The following DDX1 variants were observed in gnomAD, a reference collection of about 807,000 sequenced individuals.
The protein encoded by DDX1 is DEAD-box helicase 1.
A neutral mutation model predicts 108.7 loss-of-function variants in DDX1; 28 were observed. That is an observed-to-expected ratio of 0.26 (90% CI 0.19 to 0.35). The LOEUF is 0.35. DDX1 is among the 10% of genes least tolerant of loss of function. DDX1 has a pLI of 1.00. For synonymous variants in DDX1, 295 were observed against 288.9 expected, an observed-to-expected ratio of 1.02 and a Z score of -0.21; for missense variants, 710 against 884.5, an observed-to-expected ratio of 0.80 and a Z score of 2.50.
intron 18 of DDX1, among the ~76,000 whole-genome samples, chr2:15,621,636 G>C (rs1666009319): frequency 6.6e-6 from 1 of 151,564 alleles, no homozygotes. Flanking sequence ...TTAGTCTCCT[G>C]GCATCTAAAT....
At chr2:15,606,716 C>T (rs891357365) in intron 12 of DDX1, among the ~76,000 whole-genome samples, 1 of 152,214 alleles carries the variant, frequency 6.6e-6, no homozygotes, top group African/African-American at 2.4e-5. Flanking sequence ...TACTCTTATC[C>T]ATTGTATATC....
At chr2:15,624,573 A>C (rs1212392895) in intron 19 of DDX1, among the ~76,000 whole-genome samples, 2 of 152,234 alleles carry the variant, frequency 1.3e-5, no homozygotes, top group Non-Finnish European at 2.9e-5. Flanking sequence ...GGACTCCGTC[A>C]CTATCACGAG....
intron 1 of DDX1, among the ~76,000 whole-genome samples, chr2:15,593,937 G>T (rs549783811): frequency 6.6e-6 from 1 of 152,070 alleles, no homozygotes; most frequent in South Asian, 2.1e-4. Context: ...AAATTAGCGG[G>T]CGTGGTGGCA....
At chr2:15,603,743 T>C in intron 8 of DDX1, 71 bp from the exon 9 acceptor site, 2 of 1,016,072 alleles carry the variant, frequency 2.0e-6, no homozygotes, top group Non-Finnish European at 2.9e-6. Flanking sequence ...GTGAATAAAA[T>C]TACTTCTTTT....
intron 2 of DDX1, 31 bp downstream of exon 2, chr2:15,595,227 A>G: frequency 1.3e-6 from 2 of 1,531,166 alleles, no homozygotes; most frequent in Non-Finnish European, 1.8e-6. Flanking sequence ...TGTACCTGGG[A>G]GAGGATGTTT....
Position 15,626,132 on chromosome 2 carries a change from AAC to A in DDX1, c.1595-918_1595-917del, listed in dbSNP as rs1666098090. Among the ~76,000 whole-genome samples the A allele has an allele frequency of 2.0e-5, 3 of 152,216 alleles. No homozygotes were observed. The South Asian group carries it at 6.2e-4, about 32-fold the overall frequency. ...TTTATTACACCATTACTAACACTCA[AAC>A]ACAATATATACCAGATTACAGGGGT... On this transcript the variant is annotated intron_variant, in intron 19 of 25. Transcript: ENST00000233084.
chr2:15,617,502 ATTATT>A (rs1482320092), intron 15 of DDX1, among the ~76,000 whole-genome samples, 160 bp downstream of exon 15: 3 of 152,126 alleles, frequency 2.0e-5, no homozygotes, highest in African/African-American at 4.8e-5. Flanking sequence ...TTATTTATAT[ATTATT>A]TTATGTAGTT....
intron 16 of DDX1, 65 bp downstream of exon 16, chr2:15,618,335 T>TC: frequency 1.2e-6 from 1 of 828,948 alleles, no homozygotes; most frequent in Non-Finnish European, 2.0e-6. Flanking sequence ...TGTTACGGGA[T>TC]CCCAGGGGGT....
intron 14 of DDX1, among the ~76,000 whole-genome samples, chr2:15,614,692 T>C (rs1665865480): frequency 1.3e-5 from 2 of 152,240 alleles, no homozygotes; most frequent in South Asian, 4.1e-4. Flanking sequence ...GCTGGCACTA[T>C]GCTCTTGAAC....
chr2:15,599,602 C>A, intron 5 of DDX1, 67 bp from the exon 6 acceptor site: 1 of 1,277,742 alleles, frequency 7.8e-7, no homozygotes, highest in Non-Finnish European at 1.1e-6. Flanking sequence ...CGTGAGTCAC[C>A]GCACCCGGCC....
chr2:15,629,971 T>C lies in DDX1; in HGVS notation c.1972-19T>C. ...TCTAAATGAAATTTTTATTTGGAAA[T>C]TTTCTCTCCATTACTTAGTTACTAT... On this transcript the variant is annotated intron_variant, in intron 24 of 25. Transcript: ENST00000233084. The C allele has an allele frequency of 1.3e-6, 2 of 1,561,472 alleles. No individual in the cohort carries two copies. The highest frequency in any genetic ancestry group is 1.2e-5 in the South Asian group (1 of 80,552).
intron 8 of DDX1, among the ~76,000 whole-genome samples, 200 bp from the exon 9 acceptor site, chr2:15,603,614 G>T (rs1451713507): frequency 6.6e-6 from 1 of 152,200 alleles, no homozygotes; most frequent in African/African-American, 2.4e-5. Context: ...GAGGGATGCA[G>T]TATCACTGGT....
At chr2:15,627,261 T>G in intron 20 of DDX1, 116 bp downstream of exon 20, 1 of 582,464 alleles carries the variant, frequency 1.7e-6, no homozygotes, top group South Asian at 2.5e-5. Context: ...TTCAAAATGT[T>G]TCTACCCTAA....
chr2:15,603,355 A>G (rs1665616713), intron 8 of DDX1, 80 bp downstream of exon 8: 1 of 961,580 alleles, frequency 1.0e-6, no homozygotes, highest in African/African-American at 1.6e-5. Flanking sequence ...GCAAAATAAT[A>G]AATTTAACCA....
intron 12 of DDX1, among the ~76,000 whole-genome samples, 168 bp downstream of exon 12, chr2:15,606,432 ACT>A (rs1054487585): frequency 1.3e-5 from 2 of 152,162 alleles, no homozygotes; most frequent in African/African-American, 4.8e-5. Flanking sequence ...TAATTCATAA[ACT>A]CTTAAGTATT....
At chr2:15,601,566 A>G (rs1332337735) in intron 6 of DDX1, among the ~76,000 whole-genome samples, 1 of 152,250 alleles carries the variant, frequency 6.6e-6, no homozygotes, top group Non-Finnish European at 1.5e-5. Flanking sequence ...ACTGATGAAG[A>G]GATGCATAAG....
At chr2:15,625,075 G>C (rs1224559780) in intron 19 of DDX1, among the ~76,000 whole-genome samples, 2 of 152,132 alleles carry the variant, frequency 1.3e-5, no homozygotes, top group Non-Finnish European at 2.9e-5. Flanking sequence ...TAGGAGAATG[G>C]ATAAATAAAG....
intron 19 of DDX1, among the ~76,000 whole-genome samples, chr2:15,625,521 A>G (rs1666086713): frequency 6.6e-6 from 1 of 152,170 alleles, no homozygotes; most frequent in African/African-American, 2.4e-5. Context: ...ATTTACATTG[A>G]AATGTACAAA....
intron 14 of DDX1, among the ~76,000 whole-genome samples, chr2:15,615,753 G>C (rs956939557): frequency 3.3e-5 from 5 of 152,142 alleles, no homozygotes; most frequent in African/African-American, 7.2e-5. Flanking sequence ...AGGTAAAAAA[G>C]AATGGAAGTG....
Sources: allele counts gnomAD v4.1 joint callset (sites outside exome capture counted in the v4.1 genomes callset), GRCh38; gene constraint gnomAD v4.1.1; transcripts MANE v1.5; gene names NCBI Gene and HGNC (gene_info 2026-07-23, HGNC 2026-07-21).